Variants in MAGI2 observed in about 807,000 individuals in gnomAD.
MAGI2 encodes membrane-associated guanylate kinase, WW and PDZ domain-containing protein 2.
Under a neutral mutation model 133.3 loss-of-function variants are expected in MAGI2, and 35 were observed. The observed-to-expected ratio is 0.26, with a 90% CI of 0.20 to 0.35. MAGI2 has a LOEUF of 0.35. Ranked by LOEUF, MAGI2 falls within the 10% of genes least tolerant of loss-of-function variation. The probability of loss-of-function intolerance (pLI) is 1.00; values close to 1 mark genes in which losing one functional copy is unlikely to be tolerated. For synonymous variants in MAGI2, 729 were observed against 710.6 expected (o/e 1.03, Z -0.41); for missense variants, 1,636 against 1,863.4 (o/e 0.88, Z 2.25).
intron 2 of MAGI2, 26 bp downstream of exon 2, chr7:79,007,064 A>G: frequency 2.8e-6 from 4 of 1,441,060 alleles, no homozygotes; most frequent in Non-Finnish European, 3.8e-6. Context: ...CAACATAAAA[A>G]TATTAATACT....
chr7:78,197,436 T>C (rs1422152879), intron 11 of MAGI2, among the ~76,000 whole-genome samples: 6 of 152,222 alleles, frequency 3.9e-5, no homozygotes, highest in Non-Finnish European at 7.3e-5. Flanking sequence ...CCATATTCCA[T>C]TGAGGGTTAC....
intron 1 of MAGI2, among the ~76,000 whole-genome samples, chr7:79,103,800 C>T (rs553591839): frequency 5.3e-5 from 8 of 151,906 alleles, no homozygotes; most frequent in Non-Finnish European, 7.4e-5. Flanking sequence ...CCCGGGTTCA[C>T]GCCATTCTAC....
In MAGI2 at chr7:79,443,988, C is replaced by T. The variant is rs557293685; in HGVS notation, c.301+9032G>A. Among the ~76,000 whole-genome samples, 4 of 152,168 alleles carry T rather than the reference C, an allele frequency of 2.6e-5. No homozygotes were observed. The East Asian group carries it at 5.8e-4, about 22-fold the overall frequency. On this transcript the variant is annotated intron_variant, in intron 1 of 21. Coordinates refer to ENST00000354212, the MANE Select transcript of MAGI2 (RefSeq NM_012301.4). ...AGTTATGAGGTTGATAAAATTTCTTCTACAAATTTTTTCATTAGACATACG... is the reference window on the plus strand; with the variant it reads ...AGTTATGAGGTTGATAAAATTTCTTTTACAAATTTTTTCATTAGACATACG...
At chr7:78,241,448 T>C (rs748489823) in intron 10 of MAGI2, among the ~76,000 whole-genome samples, 22 of 152,146 alleles carry the variant, frequency 1.4e-4, no homozygotes, top group Non-Finnish European at 3.1e-4. Flanking sequence ...ATCTTGTCAT[T>C]GATATTTACT....
intron 6 of MAGI2, among the ~76,000 whole-genome samples, chr7:78,461,913 T>A (rs1584248588): frequency 6.9e-5 from 1 of 14,488 alleles, no homozygotes; most frequent in Non-Finnish European, 1.5e-4. Flanking sequence ...CAAAATTCCG[T>A]CTCAAAAAAA....
chr7:79,431,972 T>A (rs373819840), intron 1 of MAGI2, among the ~76,000 whole-genome samples: 1 of 152,318 alleles, frequency 6.6e-6, no homozygotes, highest in African/African-American at 2.4e-5. Context: ...CTTCCTCATG[T>A]TTAACTAATA....
At chr7:78,318,333 G>A (rs918180169) in intron 9 of MAGI2, among the ~76,000 whole-genome samples, 1 of 152,114 alleles carries the variant, frequency 6.6e-6, no homozygotes, top group Non-Finnish European at 1.5e-5. Flanking sequence ...GCAAACACAA[G>A]TATCAATAGC....
intron 1 of MAGI2, among the ~76,000 whole-genome samples, chr7:79,350,683 C>T (rs147458251): frequency 2.0e-5 from 3 of 152,046 alleles, no homozygotes; most frequent in Non-Finnish European, 2.9e-5. Flanking sequence ...AATAAATTGA[C>T]GGTAGAATTA....
chr7:79,038,432 T>C (rs1469302762), intron 1 of MAGI2, among the ~76,000 whole-genome samples: 1 of 152,150 alleles, frequency 6.6e-6, no homozygotes, highest in Non-Finnish European at 1.5e-5. Context: ...TTTGTACCCT[T>C]TTTTATGGCC....
chr7:78,296,201 C>G (rs747629788), intron 9 of MAGI2, among the ~76,000 whole-genome samples: 6 of 152,176 alleles, frequency 3.9e-5, no homozygotes, highest in Non-Finnish European at 8.8e-5. Context: ...TAAATGATTA[C>G]TCATCATGTT....
intron 2 of MAGI2, among the ~76,000 whole-genome samples, chr7:78,878,381 T>C (rs1795587773): frequency 1.3e-5 from 2 of 152,188 alleles, no homozygotes; most frequent in Non-Finnish European, 2.9e-5. Context: ...CCCAACTAAA[T>C]TGTAAGCCAT....
chr7:78,991,609 T>A (rs1247688458), intron 2 of MAGI2, among the ~76,000 whole-genome samples: 1 of 150,926 alleles, frequency 6.6e-6, no homozygotes, highest in African/African-American at 2.4e-5. Context: ...TTTTTTTAAA[T>A]AATGAGGAGA....
chr7:79,343,986 T>G (rs779980639), intron 1 of MAGI2, among the ~76,000 whole-genome samples: 29 of 152,298 alleles, frequency 1.9e-4, no homozygotes, highest in Non-Finnish European at 3.7e-4. Context: ...TTGTGGAATT[T>G]TAGATCTGAG....
At chr7:78,844,643 A>G (rs1037950584) in intron 2 of MAGI2, among the ~76,000 whole-genome samples, 2 of 151,776 alleles carry the variant, frequency 1.3e-5, no homozygotes, top group Non-Finnish European at 2.9e-5. Context: ...GAGAGGGTGG[A>G]GGGTTGGTTG....
chr7:78,303,574 T>A (rs1439569390), intron 9 of MAGI2, among the ~76,000 whole-genome samples: 2 of 152,088 alleles, frequency 1.3e-5, no homozygotes, highest in Non-Finnish European at 2.9e-5. Flanking sequence ...CCAAATCTAA[T>A]CACTTGTAAA....
intron 1 of MAGI2, among the ~76,000 whole-genome samples, chr7:79,360,155 G>T (rs776922822): frequency 2.6e-5 from 4 of 152,076 alleles, no homozygotes; most frequent in Non-Finnish European, 5.9e-5. Context: ...CAGCAATCAA[G>T]AATCACTATA....
At chr7:78,276,765 T>A (rs1795101873) in intron 9 of MAGI2, among the ~76,000 whole-genome samples, 1 of 152,200 alleles carries the variant, frequency 6.6e-6, no homozygotes. Context: ...TTTAAAATGT[T>A]AACCTGGTTA....
intron 1 of MAGI2, among the ~76,000 whole-genome samples, chr7:79,264,456 A>G (rs987418320): frequency 2.6e-5 from 4 of 152,118 alleles, no homozygotes; most frequent in African/African-American, 9.7e-5. Context: ...TTAGAGACCA[A>G]TATTTGTTAT....
At chr7:78,405,448 T>C (rs1402620467) in intron 6 of MAGI2, among the ~76,000 whole-genome samples, 2 of 152,132 alleles carry the variant, frequency 1.3e-5, no homozygotes, top group Non-Finnish European at 2.9e-5. Context: ...ATATGCTTTA[T>C]ATTCAGAACT....
Sources: gnomAD v4.1 joint callset for allele counts (sites outside exome capture counted in the v4.1 genomes callset) on GRCh38, gnomAD v4.1.1 for gene constraint, MANE v1.5 for transcripts, NCBI Gene and HGNC (gene_info 2026-07-23, HGNC 2026-07-21) for gene names.